The following BAIAP2 variants were observed in gnomAD, a reference collection of about 807,000 sequenced individuals.
The protein encoded by BAIAP2 is BAR/IMD domain-containing adapter protein 2.
A neutral mutation model predicts 63.0 loss-of-function variants in BAIAP2; 18 were observed. The observed-to-expected ratio is 0.29, with a 90% CI of 0.20 to 0.42. BAIAP2 has a LOEUF of 0.42. Among genes scored for constraint, BAIAP2 ranks in the 10% least tolerant of loss-of-function variants. The pLI is 1.00. For missense variants in BAIAP2, 610 were observed against 734.3 expected (o/e 0.83, Z 1.96); for synonymous variants, 386 against 307.6 (o/e 1.25, Z -2.67).
intron 10 of BAIAP2, chr17:81,104,976 A>AGCAGGGATCCCCCCCCAACG (rs2145933178): frequency 2.9e-6 from 1 of 345,538 alleles, no homozygotes; most frequent in Non-Finnish European, 5.4e-6. Context: ...TCCCCCCAAC[A>AGCAGGGATCCCCCCCCAACG]GCAGGGATCT....
chr17:81,104,282 C>T (rs2058861374), intron 9 of BAIAP2, among the ~76,000 whole-genome samples, 174 bp downstream of exon 9: 1 of 152,202 alleles, frequency 6.6e-6, no homozygotes, highest in Non-Finnish European at 1.5e-5. Flanking sequence ...GCATCCAGCT[C>T]CCTCTTGTCA....
At chr17:81,051,230 C>T (rs1474031862) in intron 1 of BAIAP2, among the ~76,000 whole-genome samples, 2 of 152,070 alleles carry the variant, frequency 1.3e-5, no homozygotes, top group South Asian at 2.1e-4. Context: ...CCTCTCTGCT[C>T]CAGCATCCCC....
chr17:81,035,369 C>T (rs1337200948), intron 1 of BAIAP2, 61 bp downstream of exon 1: 1 of 1,104,146 alleles, frequency 9.1e-7, no homozygotes, highest in African/African-American at 1.7e-5. Context: ...GCGCGCCGCC[C>T]GCGCGCCCGA....
In BAIAP2 at chr17:81,116,667, T is replaced by TG; in HGVS notation, c.*829dup. ...TCCCCCCCCCACCTCCGCTGACTCC[T>TG]GCAGGCACTGGGGAGCTCTGCTGGA... On this transcript the variant is annotated 3_prime_UTR_variant, in exon 14 of 14. Transcript: ENST00000428708. 2 of 328,342 alleles carry TG rather than the reference T, an allele frequency of 6.1e-6. No homozygotes were observed. Among genetic ancestry groups the TG allele is most frequent in the South Asian group, 8.5e-5 (2 of 23,566 alleles). The allele number at this position is 328,342 out of a possible 1,614,324, so 20.3% of individuals were successfully genotyped here.
At chr17:81,109,192 C>T (rs532395607) in intron 13 of BAIAP2, 12 of 1,407,232 alleles carry the variant, frequency 8.5e-6, no homozygotes, top group African/African-American at 2.9e-5. Flanking sequence ...TCCGCCCCCC[C>T]TCCCCTGTGT....
chr17:81,086,909 A>G, intron 6 of BAIAP2: 1 of 239,116 alleles, frequency 4.2e-6, no homozygotes, highest in Non-Finnish European at 8.3e-6. Context: ...TTGTTCCTCT[A>G]AGCGGTCGTG....
At chr17:81,112,550 G>A (rs961612769) in intron 13 of BAIAP2, among the ~76,000 whole-genome samples, 3 of 152,324 alleles carry the variant, frequency 2.0e-5, no homozygotes, top group African/African-American at 4.8e-5. Context: ...GTCCATACTC[G>A]TCAGCGGAGG....
intron 6 of BAIAP2, among the ~76,000 whole-genome samples, chr17:81,094,608 C>T (rs34052838): frequency 0.4 from 60,076 of 151,990 alleles, 12,875 homozygotes; most frequent in East Asian, 0.69. Flanking sequence ...GTGTGTTCAG[C>T]GTGAGATTTA....
At chr17:81,086,345 C>T (rs1278027549) in intron 5 of BAIAP2, 98 bp from the exon 6 acceptor site, 25 of 1,470,264 alleles carry the variant, frequency 1.7e-5, no homozygotes, top group Middle Eastern at 2.1e-4. Flanking sequence ...AAGGGGACCC[C>T]GTTGCGTTGG....
chr17:81,076,998 C>T (rs2053768713), intron 3 of BAIAP2, among the ~76,000 whole-genome samples: 1 of 152,152 alleles, frequency 6.6e-6, no homozygotes, highest in Non-Finnish European at 1.5e-5. Flanking sequence ...GACTCTGAGG[C>T]AGGCTGCACC....
chr17:81,112,582 C>T (rs985524444), intron 13 of BAIAP2, among the ~76,000 whole-genome samples: 3 of 152,220 alleles, frequency 2.0e-5, no homozygotes, highest in South Asian at 2.1e-4. Flanking sequence ...ACGCTGGACC[C>T]GATTCCAGAA....
At chr17:81,098,190 G>T (rs2057959923) in intron 6 of BAIAP2, 1 of 1,434,152 alleles carries the variant, frequency 7.0e-7, no homozygotes, top group Non-Finnish European at 9.2e-7. Context: ...CAGCCCTGTT[G>T]GTCAGGTGAG....
chr17:81,109,618 C>T (rs1177858451), intron 13 of BAIAP2: 39 of 985,328 alleles, frequency 4.0e-5, no homozygotes, highest in South Asian at 4.7e-5. Context: ...CTGAGGAAGC[C>T]GGCCGCTCCT....
At chr17:81,081,451 G>T (rs1304627466) in intron 3 of BAIAP2, among the ~76,000 whole-genome samples, 1 of 152,136 alleles carries the variant, frequency 6.6e-6, no homozygotes, top group African/African-American at 2.4e-5. Context: ...ATGGTGGAGG[G>T]GCCACGTGGC....
At chr17:81,105,063 T>G in intron 10 of BAIAP2, 1 of 209,948 alleles carries the variant, frequency 4.8e-6, no homozygotes, top group Non-Finnish European at 9.9e-6. Flanking sequence ...GGCAGGGGTC[T>G]CCCCCCAATG....
At chr17:81,099,683 A>C (rs1180304695) in intron 6 of BAIAP2, among the ~76,000 whole-genome samples, 1 of 151,964 alleles carries the variant, frequency 6.6e-6, no homozygotes, top group Admixed American at 6.5e-5. Flanking sequence ...ACTCACCCAG[A>C]GTGGTCCCGG....
chr17:81,071,245 C>T (rs1331048808), intron 3 of BAIAP2, among the ~76,000 whole-genome samples: 2 of 152,174 alleles, frequency 1.3e-5, no homozygotes, highest in South Asian at 2.1e-4. Context: ...GAGTCACCCC[C>T]GAGGTGGCGT....
chr17:81,036,950 A>G, intron 1 of BAIAP2: 1 of 1,535,770 alleles, frequency 6.5e-7, no homozygotes, highest in Non-Finnish European at 8.7e-7. Flanking sequence ...TCGTGGTGAG[A>G]GTTGGCAGGG....
intron 1 of BAIAP2, among the ~76,000 whole-genome samples, chr17:81,051,979 C>T (rs968024221): frequency 2.6e-5 from 4 of 152,230 alleles, no homozygotes; most frequent in Admixed American, 6.5e-5. Context: ...TGCGAGCCAC[C>T]GCATCTGACC....
Sources: gnomAD v4.1 joint callset for allele counts (sites outside exome capture counted in the v4.1 genomes callset) on GRCh38, gnomAD v4.1.1 for gene constraint, MANE v1.5 for transcripts, NCBI Gene and HGNC (gene_info 2026-07-23, HGNC 2026-07-21) for gene names.